TXNRD1: variants seen among roughly 807,000 people sequenced by gnomAD.
The protein encoded by TXNRD1 is thioredoxin reductase 1, also known as thioredoxin reductase 1, cytoplasmic.
In TXNRD1, 57 loss-of-function variants were observed where a neutral mutation model predicts 80.3. The ratio of observed to expected loss-of-function variants is 0.71; its 90% confidence interval spans 0.57 to 0.89. The LOEUF is 0.89. Among genes scored for constraint, TXNRD1 ranks in the 40% least tolerant of loss-of-function variants. The pLI is 0.00. For missense variants in TXNRD1, 730 were observed against 803.0 expected (o/e 0.91, Z 1.10); for synonymous variants, 291 against 285.2 (o/e 1.02, Z -0.20).
At chr12:104,329,315 TA>T (rs142233623) in intron 13 of TXNRD1, among the ~76,000 whole-genome samples, 2,814 of 146,962 alleles carry the variant, frequency 0.019, 80 homozygotes, top group African/African-American at 0.065. Context: ...GTGGTTTCCT[TA>T]AAAAAAAAAG....
intron 3 of TXNRD1, 91 bp from the exon 4 acceptor site, chr12:104,288,839 GC>G (rs778078045): frequency 2.8e-5 from 45 of 1,610,606 alleles, no homozygotes; most frequent in Non-Finnish European, 3.7e-5. Flanking sequence ...TGCCTGCGGG[GC>G]CGGGACGGAA....
chr12:104,267,180 AT>A (rs1293806164), intron 3 of TXNRD1, among the ~76,000 whole-genome samples: 3,170 of 58,598 alleles, frequency 0.054, 159 homozygotes, highest in African/African-American at 0.15. Context: ...AAAAAAAAAA[AT>A]AATATAATAA....
At chr12:104,326,199 A>C in intron 11 of TXNRD1, 148 bp from the exon 12 acceptor site, 2 of 605,628 alleles carry the variant, frequency 3.3e-6, no homozygotes, top group Non-Finnish European at 5.8e-6. Context: ...AATTTATTTA[A>C]ACTCTTGCAT....
At chr12:104,279,282 T>C (rs190174384) in intron 3 of TXNRD1, among the ~76,000 whole-genome samples, 163 of 152,328 alleles carry the variant, frequency 1.1e-3, no homozygotes, top group Non-Finnish European at 6.3e-4. Context: ...ATGATTGCAA[T>C]TGTAGTAAGT....
intron 3 of TXNRD1, chr12:104,265,232 CAG>C: frequency 7.7e-7 from 1 of 1,306,906 alleles, no homozygotes; most frequent in South Asian, 1.3e-5. Context: ...AGCCTGGTGA[CAG>C]AGTGAGACTC....
chr12:104,239,255 G>T (rs931764726), intron 1 of TXNRD1, among the ~76,000 whole-genome samples: 1 of 150,644 alleles, frequency 6.6e-6, no homozygotes, highest in South Asian at 2.1e-4. Context: ...GTACAATGGC[G>T]CGATCTCGGC....
chr12:104,252,660 T>TATATATATATATATATATA (rs1182730147), intron 2 of TXNRD1, among the ~76,000 whole-genome samples: 5 of 53,214 alleles, frequency 9.4e-5, no homozygotes, highest in African/African-American at 5.3e-4. Flanking sequence ...ATTTATTATT[T>TATATATATATATATATATA]TTTATATATA....
rs79139114 is a variant in TXNRD1 at position 104,242,980 on chromosome 12, C to T, written c.92-8547C>T. On this transcript the variant is annotated intron_variant, in intron 1 of 16. Coordinates refer to ENST00000525566, the MANE Select transcript of TXNRD1 (RefSeq NM_001093771.3). ...CTGTGGAGTGAGGCAAGTGGGAATT[C>T]TTGGCTAGGACCCCAACATAACTAA... Among the ~76,000 whole-genome samples the T allele has an allele frequency of 8.4e-3, 1,275 of 152,264 alleles. 6 individuals are homozygous for T. The highest frequency in any genetic ancestry group is 0.02 in the Middle Eastern group (6 of 294).
At chr12:104,235,784 A>G (rs2032726033) in intron 1 of TXNRD1, among the ~76,000 whole-genome samples, 1 of 152,208 alleles carries the variant, frequency 6.6e-6, no homozygotes, top group Non-Finnish European at 1.5e-5. Flanking sequence ...GTCAGTAACA[A>G]ACTTAGCTAC....
intron 16 of TXNRD1, chr12:104,346,082 A>G (rs1190327304): frequency 1.0e-6 from 1 of 973,930 alleles, no homozygotes; most frequent in Non-Finnish European, 1.4e-6. Flanking sequence ...GTGTGATCTC[A>G]GTTCACTGCA....
intron 9 of TXNRD1, 72 bp from the exon 10 acceptor site, chr12:104,321,019 C>G: frequency 9.3e-7 from 1 of 1,074,206 alleles, no homozygotes; most frequent in Admixed American, 2.1e-5. Flanking sequence ...AAAATGTGTA[C>G]TTGGATTTAG....
chr12:104,222,830 G>A (rs1200921455), intron 1 of TXNRD1, among the ~76,000 whole-genome samples: 1 of 152,180 alleles, frequency 6.6e-6, no homozygotes, highest in Non-Finnish European at 1.5e-5. Context: ...CAGCCTGGGT[G>A]AAATAGTGAG....
intron 3 of TXNRD1, among the ~76,000 whole-genome samples, chr12:104,269,270 A>AT (rs1414339499): frequency 6.6e-6 from 1 of 152,064 alleles, no homozygotes; most frequent in East Asian, 1.9e-4. Context: ...CTAGAAAAAC[A>AT]TTATTTGCTC....
chr12:104,292,215 A>T (rs1222096855), intron 4 of TXNRD1, among the ~76,000 whole-genome samples: 1 of 152,206 alleles, frequency 6.6e-6, no homozygotes, highest in African/African-American at 2.4e-5. Flanking sequence ...TGGTGAGCCT[A>T]GGTGACTCCC....
At chr12:104,233,565 A>G (rs961614413) in intron 1 of TXNRD1, among the ~76,000 whole-genome samples, 2 of 152,224 alleles carry the variant, frequency 1.3e-5, no homozygotes, top group Admixed American at 1.3e-4. Context: ...CTTGTTGCCC[A>G]GGCTGGAGTG....
chr12:104,297,494 T>A (rs2034474401), intron 4 of TXNRD1, among the ~76,000 whole-genome samples: 1 of 151,810 alleles, frequency 6.6e-6, no homozygotes, highest in Non-Finnish European at 1.5e-5. Flanking sequence ...GTCTCCCGAG[T>A]AGCTGGGATT....
chr12:104,278,498 C>G (rs937110217), intron 3 of TXNRD1, among the ~76,000 whole-genome samples: 6 of 96,132 alleles, frequency 6.2e-5, no homozygotes, highest in Non-Finnish European at 1.2e-4. Context: ...TGCGCCCAGC[C>G]TAATTTTTTT....
intron 1 of TXNRD1, chr12:104,224,668 G>A (rs1045069912): frequency 8.9e-6 from 3 of 336,828 alleles, no homozygotes; most frequent in Non-Finnish European, 1.8e-5. Flanking sequence ...ATAGGCATGA[G>A]CCACCGCACC....
In TXNRD1 at chr12:104,287,342, A is replaced by C. The variant is rs781200874; in HGVS notation, c.305-1589A>C. 4 of 1,614,012 alleles carry C rather than the reference A, an allele frequency of 2.5e-6. No individual in the cohort carries two copies. In the South Asian group the frequency reaches 3.3e-5, roughly 13 times the overall value. ...CGGTCACACAAAGCTTCAGCATGTC[A>C]TGTGGTAGGTGAGGCCGGCGCCTGT... is the stretch of plus-strand genomic sequence containing the variant. On this transcript the variant is annotated intron_variant, in intron 3 of 16. Transcript: ENST00000525566.
Sources: allele counts gnomAD v4.1 joint callset (sites outside exome capture counted in the v4.1 genomes callset), GRCh38; gene constraint gnomAD v4.1.1; transcripts MANE v1.5; gene names NCBI Gene and HGNC (gene_info 2026-07-23, HGNC 2026-07-21).